Variants in NRBP2 observed in about 807,000 individuals in gnomAD.
The protein encoded by NRBP2 is nuclear receptor binding protein 2.
NRBP2 carries 47 observed loss-of-function variants against 74.4 expected under a neutral mutation model. The ratio of observed to expected loss-of-function variants is 0.63; its 90% CI spans 0.50 to 0.81. The LOEUF (loss-of-function observed/expected upper bound fraction) is 0.81. NRBP2 is among the 30% of genes least tolerant of loss of function. The probability of loss-of-function intolerance (pLI) is 0.00; values close to 1 mark genes in which losing one functional copy is unlikely to be tolerated. For synonymous variants in NRBP2, 312 were observed against 273.8 expected (o/e 1.14, Z -1.38); for missense variants, 613 against 690.1 (o/e 0.89, Z 1.25).
Position 143,840,425 on chromosome 8 carries a change from T to C in NRBP2, c.130-196A>G. 1 of 777,076 alleles carries C rather than the reference T, an allele frequency of 1.3e-6. No homozygotes were observed. Among genetic ancestry groups the C allele is most frequent in the Non-Finnish European group, 2.0e-6 (1 of 500,800 alleles). The allele number at this position is 777,076 out of a possible 1,614,324, so 48.1% of individuals were successfully genotyped here. ...CTATCCAAGGGCTGGGCTAAGGGGA[T>C]TTGGAGCAGGTTTCAGGGGGTCGAG... On this transcript the variant is annotated intron_variant, in intron 1 of 17. Transcript: ENST00000442628. This position sits in a 1 kb window ranked among gnomAD's most constrained non-coding sequence, Gnocchi z 5.7.
chr8:143,836,891 A>T, intron 14 of NRBP2, 148 bp downstream of exon 14: 1 of 898,140 alleles, frequency 1.1e-6, no homozygotes, highest in Admixed American at 2.4e-5. Flanking sequence ...CATGACCCCC[A>T]CAAGGGGGTC....
downstream of NRBP2, chr8:143,833,516 A>G (rs1818235826): frequency 6.6e-6 from 1 of 152,318 alleles, no homozygotes; most frequent in Non-Finnish European, 1.5e-5. Context: ...AACAGGACTA[A>G]AAGCATGCTC....
In NRBP2 at chr8:143,835,566, C is replaced by T. The variant is rs782685118; in HGVS notation, c.*96G>A. 4.8e-6 allele frequency: 5 copies of T among 1,031,636 alleles called. No homozygotes were observed. The highest frequency in any genetic ancestry group is 2.6e-5 in the Admixed American group (1 of 38,940). The allele number at this position is 1,031,636 out of a possible 1,614,324, so 63.9% of individuals were successfully genotyped here. On this transcript the variant is annotated 3_prime_UTR_variant, in exon 18 of 18. Coordinates refer to ENST00000442628, the MANE Select transcript of NRBP2 (RefSeq NM_178564.4). The surrounding 1 kb of genome is among the most constrained non-coding windows in gnomAD (Gnocchi z 4.9). ...CTACCGGGGCCTTTGTGCTCCCAGG[C>T]GCATGGAGGAGGGCAGCCCCACGGT...
Position 143,835,913 on chromosome 8 carries a change from C to A in NRBP2, c.1382-38G>T, listed in dbSNP as rs1563858599. 4.4e-6 allele frequency: 7 copies of A among 1,594,394 alleles called. No homozygotes were observed. In the East Asian group the frequency reaches 1.6e-4, roughly 36 times the overall value. ...CGTAAGGCGAGGCATGAGGCCGCTG[C>A]CCACCCGCCGCCTGGGGTCACCGCC... On this transcript the variant is annotated intron_variant, in intron 16 of 17. Transcript: ENST00000442628. The surrounding 1 kb of genome is among the most constrained non-coding windows in gnomAD (Gnocchi z 4.9).
In NRBP2 at chr8:143,839,479, C is replaced by T. The variant is rs1487268899; in HGVS notation, c.485+30G>A. 21 of 1,531,480 alleles carry T rather than the reference C, an allele frequency of 1.4e-5. No individual in the cohort carries two copies. Among genetic ancestry groups the T allele is most frequent in the Admixed American group, 2.0e-5 (1 of 50,904 alleles). The allele number at this position is 1,531,480 out of a possible 1,614,324, so 94.9% of individuals were successfully genotyped here. A position where few individuals can be genotyped will look rare whatever the true frequency, so the allele number is the denominator to read the frequency against. The stretch of plus-strand genomic sequence containing the variant: ...CTCTGGAGAGATGGGGGCTCGGTGG[C>T]GCCGCGCCCAGGCCAGCCCAGGCCC... On this transcript the variant is annotated intron_variant, in intron 5 of 17. Transcript: ENST00000442628. This position sits in a 1 kb window ranked among gnomAD's most constrained non-coding sequence, Gnocchi z 5.1.
Position 143,837,752 on chromosome 8 carries a change from A to C in NRBP2, c.844T>G (p.Phe282Val). 1 of 1,559,216 alleles carries C rather than the reference A, an allele frequency of 6.4e-7. No homozygotes were observed. Among genetic ancestry groups the C allele is most frequent in the Non-Finnish European group, 8.7e-7 (1 of 1,150,722 alleles). Residue 282 changes from phenylalanine (F) to valine (V), a missense_variant, in exon 11 of 18, where the codon TTC (phenylalanine) becomes GTC (valine). Phe to Val is a conservative substitution (Grantham distance 50, BLOSUM62 -1). Around this residue, in one of 2 missense-constraint regions of NRBP2, gnomAD observed 332 missense variants for 429.2 expected, o/e 0.77. Transcript: ENST00000442628. The surrounding 1 kb of genome is among the most constrained non-coding windows in gnomAD (Gnocchi z 4.3). ...TCCCGGGCCAGGCAGCAAAGGATGA[A>C]CTCCTGGGGCACAGGGAGGAGAGGC... ...HSLSDPNMRE[F>V]ILCCLARDPA... is the part of the protein sequence containing the mutation.
rs1282178879 is a variant in NRBP2 at position 143,833,642 on chromosome 8, AACT to A, written c.*2017_*2019del. 21 of 152,262 alleles carry A rather than the reference AACT, an allele frequency of 1.4e-4. No homozygotes were observed. The highest frequency in any genetic ancestry group is 4.8e-4 in the African/African-American group (20 of 41,468). 9.4% of individuals were successfully genotyped at this position (152,262 alleles called of 1,614,324 possible). On this transcript the variant is annotated 3_prime_UTR_variant, in exon 18 of 18. Coordinates refer to ENST00000442628, the MANE Select transcript of NRBP2 (RefSeq NM_178564.4). ...TATTTATTATTGGCCTCAAAAAAAA[AACT>A]ATTCTACTTTAAAAACAATACATAT...
downstream of NRBP2, among the ~76,000 whole-genome samples, chr8:143,831,205 A>G (rs892915023): frequency 2.6e-4 from 40 of 152,270 alleles, no homozygotes; most frequent in African/African-American, 8.7e-4. Flanking sequence ...ACCCAGTGCT[A>G]TGCAATGGAT....
rs1319772799 is a variant in NRBP2 at position 143,840,732 on chromosome 8, C to A, written c.103G>T (p.Gly35Cys). The change falls in exon 1 of 18, where the codon GGT becomes TGT. Residue 35 changes from glycine to cysteine, a missense_variant. This residue lies in a region of NRBP2 where 332 missense variants were observed against 429.2 expected (regional missense o/e 0.77). Transcript: ENST00000442628. This position sits in a 1 kb window ranked among gnomAD's most constrained non-coding sequence, Gnocchi z 5.7. ...TGCTCCCGTCGCTTTTGCCAGCGAC[C>A]ACACGGGCTTTCCTCCAGGATGTCG... The part of the protein sequence containing the change: ...ESDILEESPC[G>C]RWQKRREQVN... 1 of 1,512,890 alleles carries A rather than the reference C, an allele frequency of 6.6e-7. No individual in the cohort carries two copies. The highest frequency in any genetic ancestry group is 2.6e-5 in the East Asian group (1 of 37,780). 93.7% of individuals were successfully genotyped at this position (1,512,890 alleles called of 1,614,324 possible). A position where few individuals can be genotyped will look rare whatever the true frequency, so the allele number is the denominator to read the frequency against.
chr8:143,839,273 CCCCTGCCCCGTTCCCCCACCCAG>C lies in NRBP2; in HGVS notation c.580+18_580+40del. 6.5e-7 allele frequency: 1 copy of C among 1,535,904 alleles called. No homozygotes were observed. The highest frequency in any genetic ancestry group is 8.7e-7 in the Non-Finnish European group (1 of 1,146,820). ...CTCTGCCCTTGGCTCCAGGCACCTT[CCCCTGCCCCGTTCCCCCACCCAG>C]CCCTGCCCCGCCAGCACCGGAGCCG... On this transcript the variant is annotated intron_variant, in intron 6 of 17. Transcript: ENST00000442628. The surrounding 1 kb of genome is among the most constrained non-coding windows in gnomAD (Gnocchi z 5.1).
rs781859898 is a variant in NRBP2 at position 143,839,448 on chromosome 8, AG to A, written c.486-41del. On this transcript the variant is annotated intron_variant, in intron 5 of 17. Coordinates refer to ENST00000442628, the MANE Select transcript of NRBP2 (RefSeq NM_178564.4). This position sits in a 1 kb window ranked among gnomAD's most constrained non-coding sequence, Gnocchi z 5.1. ...GAGGGGAGAGTAGGAGGAGCCGGTC[AG>A]GAGGCTCTGGAGAGATGGGGGCTCG... The A allele has an allele frequency of 3.3e-6, 5 of 1,535,712 alleles. No individual in the cohort carries two copies. Among genetic ancestry groups the A allele is most frequent in the Non-Finnish European group, 4.4e-6 (5 of 1,146,792 alleles).
At position 143,835,473 on chromosome 8, in the gene NRBP2, C is replaced by A. The variant is rs74755081; in HGVS notation, c.*189G>T. On this transcript the variant is annotated 3_prime_UTR_variant, in exon 18 of 18. Coordinates refer to ENST00000442628, the MANE Select transcript of NRBP2 (RefSeq NM_178564.4). This position sits in a 1 kb window ranked among gnomAD's most constrained non-coding sequence, Gnocchi z 4.9. ...GGGAGGCCTAACGGCTCCCCCACAC[C>A]CACCCCCCAACCCCTCGGCGCCCAA... 9.4e-3 allele frequency: 6,254 copies of A among 661,802 alleles called. 294 individuals carry two copies. In the African/African-American group the frequency reaches 0.1, roughly 11 times the overall value. The allele number at this position is 661,802 out of a possible 1,614,324, so 41.0% of individuals were successfully genotyped here.
rs1217087154 is a variant in NRBP2, at chr8:143,835,587, A to G, written c.*75T>C. ...CAGGCGCATGGAGGAGGGCAGCCCC[A>G]CGGTGCTGGAGTCTCCCCAACATGG... On this transcript the variant is annotated 3_prime_UTR_variant, in exon 18 of 18. Transcript: ENST00000442628. This position sits in a 1 kb window ranked among gnomAD's most constrained non-coding sequence, Gnocchi z 4.9. 4.3e-5 allele frequency: 54 copies of G among 1,255,316 alleles called. No individual in the cohort carries two copies. The highest frequency in any genetic ancestry group is 5.1e-5 in the Non-Finnish European group (46 of 905,856). The allele number at this position is 1,255,316 out of a possible 1,614,324, so 77.8% of individuals were successfully genotyped here.
Position 143,835,536 on chromosome 8 carries a change from C to T in NRBP2, c.*126G>A. The T allele has an allele frequency of 1.2e-6, 1 of 828,900 alleles. No homozygotes were observed. Among genetic ancestry groups the T allele is most frequent in the South Asian group, 1.6e-5 (1 of 61,942 alleles). 51.3% of individuals were successfully genotyped at this position (828,900 alleles called of 1,614,324 possible). ...CCCACTCTCAGGAGACGGGGGGTTC[C>T]TTCACTACCGGGGCCTTTGTGCTCC... is the stretch of plus-strand genomic sequence containing the variant. On this transcript the variant is annotated 3_prime_UTR_variant, in exon 18 of 18. Coordinates refer to ENST00000442628, the MANE Select transcript of NRBP2 (RefSeq NM_178564.4). This position sits in a 1 kb window ranked among gnomAD's most constrained non-coding sequence, Gnocchi z 4.9.
Position 143,839,724 on chromosome 8 carries a change from C to CGG in NRBP2, c.444+11_444+12insCC. The CGG allele has an allele frequency of 6.5e-7, 1 of 1,535,696 alleles. No individual in the cohort carries two copies. Among genetic ancestry groups the CGG allele is most frequent in the South Asian group, 1.2e-5 (1 of 84,054 alleles). Reference sequence around the variant, plus strand: ...TCCTGTCCCCGTGGCTGCCCCAGCCCGCTCCCCATACCCGGGCGTTCATGG... The same window carrying CGG: ...TCCTGTCCCCGTGGCTGCCCCAGCCCGGGCTCCCCATACCCGGGCGTTCATGG... On this transcript the variant is annotated intron_variant, in intron 4 of 17. Coordinates refer to ENST00000442628, the MANE Select transcript of NRBP2 (RefSeq NM_178564.4). The surrounding 1 kb of genome is among the most constrained non-coding windows in gnomAD (Gnocchi z 5.1).
In NRBP2 at chr8:143,835,963, C is replaced by T; in HGVS notation, c.1381+4G>A. On this transcript the variant is annotated splice_donor_region_variant and intron_variant, in intron 16 of 17. Transcript: ENST00000442628. The surrounding 1 kb of genome is among the most constrained non-coding windows in gnomAD (Gnocchi z 4.9). ...CCGCCGCCCAAGTCCCCTGCCCAGC[C>T]TACTTGGGAGCAGGTCGTAGGTCAG... 1 of 1,594,350 alleles carries T rather than the reference C, an allele frequency of 6.3e-7. No individual in the cohort carries two copies. Among genetic ancestry groups the T allele is most frequent in the African/African-American group, 1.3e-5 (1 of 74,232 alleles).
In NRBP2 at chr8:143,840,059, T is replaced by C. The variant is rs1480852029; in HGVS notation, c.253-29A>G. ...GGGAGGGAGGGTGGTCGCTGGGTGG[T>C]CAGCAGGTGGTCACCCAAGCAGGAT... is the stretch of plus-strand genomic sequence containing the variant. On this transcript the variant is annotated intron_variant, in intron 2 of 17. Transcript: ENST00000442628. The surrounding 1 kb of genome is among the most constrained non-coding windows in gnomAD (Gnocchi z 5.7). The C allele has an allele frequency of 1.6e-5, 24 of 1,535,962 alleles. No individual in the cohort carries two copies. Among genetic ancestry groups the C allele is most frequent in the Non-Finnish European group, 2.1e-5 (24 of 1,146,874 alleles).
At position 143,840,858 on chromosome 8, in the gene NRBP2, C is replaced by T. The variant is rs1307867128; in HGVS notation, c.-24G>A. On this transcript the variant is annotated 5_prime_UTR_variant, in exon 1 of 18. Coordinates refer to ENST00000442628, the MANE Select transcript of NRBP2 (RefSeq NM_178564.4). This position sits in a 1 kb window ranked among gnomAD's most constrained non-coding sequence, Gnocchi z 5.7. ...ATGGTTCGGCCAGCCCAGGCCACCG[C>T]CCTCTGCGCGATCCGCCGCCGGCGC... 1.5e-6 allele frequency: 2 copies of T among 1,323,830 alleles called. No individual in the cohort carries two copies. Among genetic ancestry groups the T allele is most frequent in the Admixed American group, 4.0e-5 (1 of 24,916 alleles). 82.0% of individuals were successfully genotyped at this position (1,323,830 alleles called of 1,614,324 possible).
chr8:143,835,798 C>T lies in NRBP2; in HGVS notation c.1437+22G>A, dbSNP rs782227788. On this transcript the variant is annotated intron_variant, in intron 17 of 17. Coordinates refer to ENST00000442628, the MANE Select transcript of NRBP2 (RefSeq NM_178564.4). The surrounding 1 kb of genome is among the most constrained non-coding windows in gnomAD (Gnocchi z 4.9). ...GCCCCGTGCGCCCCCTCCGCCAGGC[C>T]GCGCCGCACCGCCCAGCGCACCTCG... 30 of 1,599,780 alleles carry T rather than the reference C, an allele frequency of 1.9e-5. No homozygotes were observed. The highest frequency in any genetic ancestry group is 1.7e-4 in the Middle Eastern group (1 of 5,998).
Sources: gnomAD v4.1 joint callset for allele counts (sites outside exome capture counted in the v4.1 genomes callset) on GRCh38, gnomAD v4.1.1 for gene constraint, gnomAD v4.1.1 regional missense constraint, Gnocchi (gnomAD v3.1) non-coding constraint, MANE v1.5 for transcripts, NCBI Gene and HGNC (gene_info 2026-07-23, HGNC 2026-07-21) for gene names.